The following SAP30BP variants were observed in gnomAD, a reference collection of about 807,000 sequenced individuals.
SAP30BP encodes the protein SAP30-binding protein.
SAP30BP carries 31 observed loss-of-function variants against 46.3 expected under a neutral mutation model. The observed-to-expected ratio is 0.67, with a 90% CI of 0.50 to 0.90. SAP30BP has a LOEUF of 0.90. SAP30BP is among the 40% of genes least tolerant of loss of function. The probability of loss-of-function intolerance (pLI) is 0.00; values close to 1 mark genes in which losing one functional copy is unlikely to be tolerated. For synonymous variants in SAP30BP, 169 were observed against 144.2 expected (o/e 1.17, Z -1.23); for missense variants, 312 against 391.0 (o/e 0.80, Z 1.70).
chr17:75,669,980 A>T (rs1453869471), intron 2 of SAP30BP, among the ~76,000 whole-genome samples: 1 of 152,178 alleles, frequency 6.6e-6, no homozygotes, highest in Non-Finnish European at 1.5e-5. Context: ...CTTAAAATAT[A>T]TTATTTGTTT....
At position 75,706,941 on chromosome 17, in the gene SAP30BP, G is replaced by A. The variant is rs577893881; in HGVS notation, c.*420G>A. The A allele has an allele frequency of 1.2e-4, 23 of 190,774 alleles. No individual in the cohort carries two copies. In the South Asian group the frequency reaches 2.3e-3, roughly 19 times the overall value. The allele number at this position is 190,774 out of a possible 1,614,324, so 11.8% of individuals were successfully genotyped here. On this transcript the variant is annotated 3_prime_UTR_variant, in exon 11 of 11. Coordinates refer to ENST00000584667, the MANE Select transcript of SAP30BP (RefSeq NM_013260.8). This position sits in a 1 kb window ranked among gnomAD's most constrained non-coding sequence, Gnocchi z 4.6. Reference sequence around the variant, plus strand: ...ACCCAAGAAGTCACCGTTGTTATCCGTGTATGCCTCTGGGCATGGACAGGC... The same window carrying A: ...ACCCAAGAAGTCACCGTTGTTATCCATGTATGCCTCTGGGCATGGACAGGC...
At position 75,677,082 on chromosome 17, in the gene SAP30BP, C is replaced by A. The variant is rs1345993832; in HGVS notation, c.264+5219C>A. On this transcript the variant is annotated intron_variant, in intron 3 of 10. Transcript: ENST00000584667. Reference sequence around the variant, plus strand: ...AATGTCAAGATGTCATAAAACTAATCATTTTTACTGTCCTGGCAGAAAACT... The same window carrying A: ...AATGTCAAGATGTCATAAAACTAATAATTTTTACTGTCCTGGCAGAAAACT... Among the ~76,000 whole-genome samples the A allele has an allele frequency of 3.4e-5, 5 of 147,418 alleles. No individual in the cohort carries two copies. The East Asian group carries it at 8.0e-4, about 24-fold the overall frequency.
chr17:75,670,051 C>T (rs147687580), intron 2 of SAP30BP, among the ~76,000 whole-genome samples: 1,787 of 152,210 alleles, frequency 0.012, 31 homozygotes, highest in African/African-American at 0.041. Flanking sequence ...CAGCCAAGCA[C>T]GGTGGCTCAT....
In SAP30BP at chr17:75,706,447, A is replaced by G. The variant is rs761260129; in HGVS notation, c.853A>G (p.Thr285Ala). Residue 285 changes from threonine (T) to alanine (A), a missense_variant, in exon 11 of 11, where the codon ACC becomes GCC. Physicochemically the swap from Thr to Ala is moderately conservative, Grantham distance 58. This residue lies in a region of SAP30BP where 16 missense variants were observed against 44.4 expected (regional missense o/e 0.36). Coordinates refer to ENST00000584667, the MANE Select transcript of SAP30BP (RefSeq NM_013260.8). The surrounding 1 kb of genome is among the most constrained non-coding windows in gnomAD (Gnocchi z 4.6). ...CACCCTGCCAGCTGTTGTCACGGTC[A>G]CCACCAGCGCCAGCGGCTCCAAGAC... ...TATLPAVVTV[T>A]TSASGSKTTV... 1 of 1,614,166 alleles carries G rather than the reference A, an allele frequency of 6.2e-7. No homozygotes were observed. Among genetic ancestry groups the G allele is most frequent in the South Asian group, 1.1e-5 (1 of 91,080 alleles).
intron 3 of SAP30BP, among the ~76,000 whole-genome samples, chr17:75,685,380 C>A (rs145353577): frequency 1.3e-5 from 2 of 152,346 alleles, no homozygotes; most frequent in East Asian, 1.9e-4. Context: ...TTGCTCATTT[C>A]TATTCCTAAC....
chr17:75,690,339 T>C (rs1357804635), intron 3 of SAP30BP, among the ~76,000 whole-genome samples: 1 of 152,166 alleles, frequency 6.6e-6, no homozygotes, highest in East Asian at 1.9e-4. Flanking sequence ...TAGAGGTCAC[T>C]TTTATTGGAT....
Position 75,699,779 on chromosome 17 carries a change from A to AC in SAP30BP, c.308-3dup, listed in dbSNP as rs1315429043. ...TACAGAATTTTTCCTTCTTCTCTCA[A>AC]CAGCCTCCTTTTCTGAAAGAGTTCG... On this transcript the variant is annotated splice_polypyrimidine_tract_variant and splice_region_variant and intron_variant, in intron 4 of 10. Transcript: ENST00000584667. 3 of 1,610,140 alleles carry AC rather than the reference A, an allele frequency of 1.9e-6. No homozygotes were observed. The African/African-American group carries it at 4.0e-5, about 22-fold the overall frequency.
At chr17:75,693,408 C>A (rs1319498392) in intron 3 of SAP30BP, 32 bp from the exon 4 acceptor site, 5 of 1,605,020 alleles carry the variant, frequency 3.1e-6, no homozygotes, top group South Asian at 1.1e-5. Context: ...GAGCCCCAGT[C>A]TTACCTCCTC....
At chr17:75,667,586 A>G (rs1286365804) in intron 1 of SAP30BP, 108 bp downstream of exon 1, 3 of 978,968 alleles carry the variant, frequency 3.1e-6, no homozygotes, top group African/African-American at 3.2e-5. Flanking sequence ...CAAGCACCGG[A>G]CCCCGAAGAA....
In SAP30BP at chr17:75,671,816, GAA is replaced by G. The variant is rs779123516; in HGVS notation, c.218_219del (p.Glu73GlyfsTer2). 6.2e-7 allele frequency: 1 copy of G among 1,612,584 alleles called. No homozygotes were observed. The highest frequency in any genetic ancestry group is 8.5e-7 in the Non-Finnish European group (1 of 1,178,698). ...ATCCTCTAAATTCTTTGTCTTGTAGGAAGATGACGATTCAGAGACTGAAAAAC... is the reference window on the plus strand; with the variant it reads ...ATCCTCTAAATTCTTTGTCTTGTAGGGATGACGATTCAGAGACTGAAAAAC... ...EEEDENSRQSEDDDSETEKPE... is the reference protein window; with the variant it reads ...EEEDENSRQSXDDDSETEKPE... On this transcript the variant is annotated frameshift_variant and splice_region_variant, in exon 3 of 11. Coordinates refer to ENST00000584667, the MANE Select transcript of SAP30BP (RefSeq NM_013260.8). LOFTEE classifies it high-confidence loss of function.
At chr17:75,677,606 ATT>A (rs36026460) in intron 3 of SAP30BP, among the ~76,000 whole-genome samples, 186 of 109,652 alleles carry the variant, frequency 1.7e-3, no homozygotes, top group East Asian at 5.5e-3. Context: ...TAATTTTTGT[ATT>A]TTTTTTTTTT....
At chr17:75,688,758 C>T (rs2060198902) in intron 3 of SAP30BP, among the ~76,000 whole-genome samples, 1 of 152,144 alleles carries the variant, frequency 6.6e-6, no homozygotes, top group Non-Finnish European at 1.5e-5. Context: ...TTCCTTCCTG[C>T]GCTCCAGTCA....
chr17:75,703,924 G>C, intron 8 of SAP30BP, 65 bp downstream of exon 8: 1 of 1,189,704 alleles, frequency 8.4e-7, no homozygotes, highest in Non-Finnish European at 1.3e-6. Context: ...TATCCAGTCA[G>C]TTGGTTATCC....
chr17:75,694,119 C>T (rs1375173265), intron 4 of SAP30BP, among the ~76,000 whole-genome samples: 2 of 152,098 alleles, frequency 1.3e-5, no homozygotes, highest in Non-Finnish European at 2.9e-5. Context: ...TGGGGTTGGC[C>T]CTCCCTCTCT....
Position 75,707,163 on chromosome 17 carries a change from T to G in SAP30BP, c.*642T>G, listed in dbSNP as rs1373245609. 6.5e-6 allele frequency: 1 copy of G among 153,490 alleles called. No individual in the cohort carries two copies. The highest frequency in any genetic ancestry group is 2.4e-5 in the African/African-American group (1 of 41,474). The allele number at this position is 153,490 out of a possible 1,614,324, so 9.5% of individuals were successfully genotyped here. Reference sequence around the variant, plus strand: ...AGGGCTGGGGTGAGATCCTGACCTGTGCAGAGAGTGGGGAGGCGTCAGCGC... The same window carrying G: ...AGGGCTGGGGTGAGATCCTGACCTGGGCAGAGAGTGGGGAGGCGTCAGCGC... On this transcript the variant is annotated 3_prime_UTR_variant, in exon 11 of 11. Transcript: ENST00000584667.
At chr17:75,702,947 G>A in intron 6 of SAP30BP, 2 of 330,262 alleles carry the variant, frequency 6.1e-6, no homozygotes, top group Non-Finnish European at 1.1e-5. Context: ...TTGCATATAG[G>A]TGAGAGGTCT....
intron 9 of SAP30BP, chr17:75,705,094 A>C: frequency 4.6e-6 from 2 of 432,348 alleles, no homozygotes; most frequent in Admixed American, 3.5e-5. Context: ...GTTTTGGGTC[A>C]TGGGGGCCCT....
At chr17:75,698,364 A>G (rs2060354252) in intron 4 of SAP30BP, among the ~76,000 whole-genome samples, 1 of 152,220 alleles carries the variant, frequency 6.6e-6, no homozygotes, top group Non-Finnish European at 1.5e-5. Flanking sequence ...ACACAAGGCC[A>G]TTTTGTTTAC....
Position 75,671,833 on chromosome 17 carries a change from G to A in SAP30BP, c.234G>A (p.Glu78=). ...TCTTGTAGGAAGATGACGATTCAGA[G>A]ACTGAAAAACCTGAGGCTGATGACC... ...NSRQSEDDDS[E]TEKPEADDPK... Residue 78 remains glutamate, a synonymous_variant, in exon 3 of 11, where the codon GAG becomes GAA. Coordinates refer to ENST00000584667, the MANE Select transcript of SAP30BP (RefSeq NM_013260.8). The A allele has an allele frequency of 6.2e-7, 1 of 1,613,782 alleles. No individual in the cohort carries two copies. The highest frequency in any genetic ancestry group is 8.5e-7 in the Non-Finnish European group (1 of 1,179,754).
Sources: allele counts gnomAD v4.1 joint callset (sites outside exome capture counted in the v4.1 genomes callset), GRCh38; gene constraint gnomAD v4.1.1; regional missense constraint gnomAD v4.1.1; non-coding constraint Gnocchi (gnomAD v3.1); transcripts MANE v1.5; gene names NCBI Gene and HGNC (gene_info 2026-07-23, HGNC 2026-07-21).